ETFDH: variants seen among roughly 807,000 people sequenced by gnomAD.
The protein encoded by ETFDH is electron transfer flavoprotein dehydrogenase.
A neutral mutation model predicts 73.2 loss-of-function variants in ETFDH; 61 were observed. The ratio of observed to expected loss-of-function variants is 0.83; its 90% CI spans 0.68 to 1.03. The LOEUF (loss-of-function observed/expected upper bound fraction) is 1.03, where lower values mean the gene tolerates loss of function less well. ETFDH is among the 50% of genes least tolerant of loss of function. The pLI is 0.00. For synonymous variants in ETFDH, 243 were observed against 253.3 expected, an observed-to-expected ratio of 0.96 and a Z score of 0.39; for missense variants, 685 against 745.0, an observed-to-expected ratio of 0.92 and a Z score of 0.94.
intron 12 of ETFDH, 72 bp downstream of exon 12, chr4:158,706,922 A>T: frequency 9.7e-7 from 1 of 1,027,002 alleles, no homozygotes; most frequent in Admixed American, 1.8e-5. Context: ...CTTTTAAAAA[A>T]TGATTTCTGT....
At position 158,684,655 on chromosome 4, in the gene ETFDH, C is replaced by G; in HGVS notation, c.469C>G (p.Pro157Ala). 6.4e-7 allele frequency: 1 copy of G among 1,564,636 alleles called. No homozygotes were observed. The highest frequency in any genetic ancestry group is 8.8e-7 in the Non-Finnish European group (1 of 1,135,052). The change falls in exon 4 of 13, where the codon CCT becomes GCT. Residue 157 changes from proline to alanine, a missense_variant. This residue lies in a region of ETFDH where 405 missense variants were observed against 399.3 expected (regional missense o/e 1.01). Coordinates refer to ENST00000511912, the MANE Select transcript of ETFDH (RefSeq NM_004453.4). ...FGILTEKYRI[P>A]VPILPGLPMN... ...AATTTTAACAGAGAAATACAGAATT[C>G]CTGTGCCAATTCTTCCAGGTAAGGT...
intron 5 of ETFDH, among the ~76,000 whole-genome samples, chr4:158,688,111 AGGC>A (rs1439556467): frequency 6.9e-6 from 1 of 145,562 alleles, no homozygotes; most frequent in Admixed American, 7.0e-5. Context: ...AGAATGAAAC[AGGC>A]CAGGTGCAGT....
Position 158,682,202 on chromosome 4 carries a change from C to T in ETFDH, c.183C>T (p.Asn61=), listed in dbSNP as rs2150305147. 1 of 1,613,758 alleles carries T rather than the reference C, an allele frequency of 6.2e-7. No homozygotes were observed. The highest frequency in any genetic ancestry group is 8.5e-7 in the Non-Finnish European group (1 of 1,179,710). Residue 61 remains asparagine, a synonymous_variant, in exon 3 of 13, where the codon AAC becomes AAT. Transcript: ENST00000511912. ...AATTTTTATTTCTCCCAGGAGTGAA[C>T]ATGGAAAGGTTTGCAGAAGAAGCAG... The part of the protein sequence containing the change: ...RDKDKRWEGV[N]MERFAEEADV...
At chr4:158,699,502 G>A (rs1774403665) in intron 9 of ETFDH, among the ~76,000 whole-genome samples, 1 of 152,112 alleles carries the variant, frequency 6.6e-6, no homozygotes. Flanking sequence ...CCTAGGAGGT[G>A]GAGGTTGCAG....
chr4:158,689,627 TA>T lies in ETFDH; in HGVS notation c.607-720del, dbSNP rs1561242381. Among the ~76,000 whole-genome samples the T allele has an allele frequency of 2.0e-3, 234 of 118,288 alleles. 16 individuals carry two copies. Among genetic ancestry groups the T allele is most frequent in the East Asian group, 1.9e-3 (8 of 4,260 alleles). The allele number at this position is 118,288 out of a possible 152,430, so 77.6% of individuals were successfully genotyped here. A position where few individuals can be genotyped will look rare whatever the true frequency, so the allele number is the denominator to read the frequency against. On this transcript the variant is annotated intron_variant, in intron 5 of 12. Transcript: ENST00000511912. ...ATATATATATATATATATATATATA[TA>T]TATATATATTGTGGGGGGGTGGGTT...
chr4:158,682,543 CT>C (rs1773891414), intron 3 of ETFDH, 119 bp downstream of exon 3: 13 of 769,604 alleles, frequency 1.7e-5, no homozygotes, highest in South Asian at 1.4e-4. Context: ...TTTTTTTTTT[CT>C]TTTTTTGAGA....
intron 10 of ETFDH, among the ~76,000 whole-genome samples, chr4:158,705,338 A>T (rs1774578590): frequency 6.6e-6 from 1 of 152,192 alleles, no homozygotes; most frequent in South Asian, 2.1e-4. Flanking sequence ...GCTGGAAATT[A>T]CAGGCTAGAG....
rs771231540 is a variant in ETFDH at position 158,699,154 on chromosome 4, C to T, written c.1116+24C>T. On this transcript the variant is annotated intron_variant, in intron 9 of 12. Transcript: ENST00000511912. Reference sequence around the variant, plus strand: ...AGGTAACTCTTCCAACTTTTATTTTCCTTGTTTCTGTATTATAAATTCAGA... The same window carrying T: ...AGGTAACTCTTCCAACTTTTATTTTTCTTGTTTCTGTATTATAAATTCAGA... 9 of 1,593,756 alleles carry T rather than the reference C, an allele frequency of 5.6e-6. No homozygotes were observed. In the African/African-American group the frequency reaches 1.2e-4, roughly 21 times the overall value.
At chr4:158,701,893 G>C (rs1048532790) in intron 9 of ETFDH, among the ~76,000 whole-genome samples, 5 of 152,018 alleles carry the variant, frequency 3.3e-5, no homozygotes, top group Admixed American at 2.0e-4. Context: ...TGTCTAAACT[G>C]AAAAATATCC....
chr4:158,673,492 A>T (rs1409356274), intron 1 of ETFDH, among the ~76,000 whole-genome samples: 1 of 152,224 alleles, frequency 6.6e-6, no homozygotes, highest in Non-Finnish European at 1.5e-5. Context: ...ATTTTTTTAA[A>T]TCTTTAGTTT....
intron 6 of ETFDH, among the ~76,000 whole-genome samples, chr4:158,692,843 GAGTGAGAC>G (rs1244015042): frequency 1.5e-5 from 2 of 132,260 alleles, no homozygotes; most frequent in African/African-American, 5.8e-5. Context: ...CTGGACGACA[GAGTGAGAC>G]TCCATCTAAA....
intron 10 of ETFDH, among the ~76,000 whole-genome samples, chr4:158,704,898 GAGTGC>G (rs1008079527): frequency 4.5e-4 from 69 of 152,210 alleles, no homozygotes; most frequent in African/African-American, 1.6e-3. Context: ...AGCCAAGATG[GAGTGC>G]AGTGGCTGGG....
intron 1 of ETFDH, among the ~76,000 whole-genome samples, chr4:158,673,547 T>G (rs971144168): frequency 2.0e-5 from 3 of 152,206 alleles, no homozygotes; most frequent in African/African-American, 7.2e-5. Context: ...ATATTCCAAA[T>G]TCAAGGATAT....
intron 5 of ETFDH, 95 bp from the exon 6 acceptor site, chr4:158,690,253 G>GTTCA: frequency 1.3e-6 from 1 of 753,004 alleles, no homozygotes; most frequent in East Asian, 2.6e-5. Flanking sequence ...TAGAGAAGAT[G>GTTCA]TTCACCTTCT....
chr4:158,694,749 G>C (rs186946026), intron 6 of ETFDH, among the ~76,000 whole-genome samples: 1 of 152,026 alleles, frequency 6.6e-6, no homozygotes, highest in Non-Finnish European at 1.5e-5. Context: ...ATTGCTTCAG[G>C]CTTTTTGGAA....
intron 6 of ETFDH, among the ~76,000 whole-genome samples, chr4:158,692,415 A>G (rs1316663489): frequency 1.4e-5 from 2 of 146,390 alleles, no homozygotes; most frequent in Non-Finnish European, 3.1e-5. Context: ...AAAAAAAAAA[A>G]AAAAAAAAAG....
At chr4:158,680,045 A>G (rs1773804513) in intron 1 of ETFDH, 1 of 138,888 alleles carries the variant, frequency 7.2e-6, no homozygotes, top group South Asian at 2.3e-4. Context: ...AGATTGCACC[A>G]CTGCACTGCA....
At chr4:158,678,317 T>G (rs1773761753) in intron 1 of ETFDH, among the ~76,000 whole-genome samples, 2 of 152,218 alleles carry the variant, frequency 1.3e-5, no homozygotes, top group South Asian at 4.1e-4. Flanking sequence ...AGTTTTGATA[T>G]GTACTGGTCG....
At chr4:158,707,352 A>G (rs1774654016) in intron 12 of ETFDH, among the ~76,000 whole-genome samples, 1 of 152,262 alleles carries the variant, frequency 6.6e-6, no homozygotes, top group East Asian at 1.9e-4. Flanking sequence ...AAAGTAGTAC[A>G]TTCACAAAAG....
Sources: allele counts gnomAD v4.1 joint callset (sites outside exome capture counted in the v4.1 genomes callset), GRCh38; gene constraint gnomAD v4.1.1; regional missense constraint gnomAD v4.1.1; transcripts MANE v1.5; gene names NCBI Gene and HGNC (gene_info 2026-07-23, HGNC 2026-07-21).